The following NLGN1 variants were observed in gnomAD, a reference collection of about 807,000 sequenced individuals.
NLGN1 encodes the protein neuroligin-1.
In NLGN1, 12 loss-of-function variants were observed where a neutral mutation model predicts 65.5. The observed-to-expected ratio is 0.18, with a 90% CI of 0.12 to 0.30. NLGN1 has a LOEUF of 0.30. Ranked by LOEUF, NLGN1 falls within the 10% of genes least tolerant of loss-of-function variation. The pLI, the probability that NLGN1 is intolerant of heterozygous loss-of-function variation, is 1.00. For missense variants in NLGN1, 750 were observed against 1,007.1 expected, an observed-to-expected ratio of 0.74 and a Z score of 3.46; for synonymous variants, 350 against 359.5, an observed-to-expected ratio of 0.97 and a Z score of 0.30.
At chr3:173,516,594 A>G (rs1733854808) in intron 2 of NLGN1, among the ~76,000 whole-genome samples, 2 of 152,048 alleles carry the variant, frequency 1.3e-5, no homozygotes. Flanking sequence ...TATTGTAAGC[A>G]TTGCTATATC....
intron 4 of NLGN1, among the ~76,000 whole-genome samples, chr3:173,882,201 T>C (rs2150933134): frequency 6.6e-6 from 1 of 152,338 alleles, no homozygotes; most frequent in African/African-American, 2.4e-5. Context: ...TAAACAGATA[T>C]TCTATCATCC....
intron 2 of NLGN1, among the ~76,000 whole-genome samples, chr3:173,474,547 C>T (rs1008030625): frequency 1.1e-4 from 17 of 152,066 alleles, no homozygotes; most frequent in African/African-American, 4.1e-4. Flanking sequence ...GAATCACTTG[C>T]CTAATATGAG....
At chr3:173,413,394 G>A (rs1713009758) in intron 1 of NLGN1, among the ~76,000 whole-genome samples, 1 of 152,032 alleles carries the variant, frequency 6.6e-6, no homozygotes, top group African/African-American at 2.4e-5. Context: ...AAGGTCAGGA[G>A]TTCAAGACCA....
chr3:173,868,387 T>A (rs1405724685), intron 4 of NLGN1, among the ~76,000 whole-genome samples: 1 of 152,186 alleles, frequency 6.6e-6, no homozygotes, highest in Non-Finnish European at 1.5e-5. Flanking sequence ...TATTGTGGTT[T>A]AGCCACCCAG....
chr3:173,438,312 C>T (rs914790660), intron 2 of NLGN1, among the ~76,000 whole-genome samples: 3 of 151,788 alleles, frequency 2.0e-5, no homozygotes, highest in Non-Finnish European at 4.4e-5. Context: ...AACCCAATTT[C>T]CTGGTTAAGA....
At chr3:173,590,534 G>A (rs1748303601) in intron 2 of NLGN1, among the ~76,000 whole-genome samples, 1 of 152,102 alleles carries the variant, frequency 6.6e-6, no homozygotes, top group Admixed American at 6.6e-5. Flanking sequence ...GGAGCTGAGT[G>A]TATTTCTCTT....
chr3:174,013,618 G>A (rs1181600532), intron 4 of NLGN1, among the ~76,000 whole-genome samples: 2 of 152,162 alleles, frequency 1.3e-5, no homozygotes, highest in Non-Finnish European at 2.9e-5. Flanking sequence ...CGTATGTGAT[G>A]CCTCACATAC....
chr3:173,558,799 C>T lies in NLGN1; in HGVS notation c.-320-45480C>T, dbSNP rs138965724. On this transcript the variant is annotated intron_variant, in intron 2 of 6. Coordinates refer to ENST00000457714, the Ensembl canonical transcript of NLGN1. ...TGCACTTTTAACTTGGATATGGTCA[C>T]ATTTTCTTGCTTCTTCATATATCTC... Among the ~76,000 whole-genome samples the T allele has an allele frequency of 1.4e-4, 21 of 152,278 alleles. 1 individual carries two copies. The highest frequency in any genetic ancestry group is 6.5e-4 in the Admixed American group (10 of 15,294).
exon 3 of NLGN1, chr3:173,604,640 A>G (rs1751074068): frequency 6.2e-7 from 1 of 1,613,482 alleles, no homozygotes; most frequent in African/African-American, 1.3e-5. Context: ...ATGTTTGGAG[A>G]GCAGTGATGG....
rs1386438930 is a variant in NLGN1 at position 174,280,748 on chromosome 3, G to A, written c.1917G>A (p.Thr639=). The A allele has an allele frequency of 3.7e-6, 6 of 1,613,200 alleles. No individual in the cohort carries two copies. The Admixed American group carries it at 5.0e-5, about 13-fold the overall frequency. ...CAACTGACATCACTTTCAGACCTACGAGAAAAAATTCTGTACCTGTCACGT... is the reference window on the plus strand; with the variant it reads ...CAACTGACATCACTTTCAGACCTACAAGAAAAAATTCTGTACCTGTCACGT... The change falls in exon 7 of 7, where the codon ACG becomes ACA. Residue 639 remains threonine (T), a synonymous_variant. Transcript: ENST00000457714. This position sits in a 1 kb window ranked among gnomAD's most constrained non-coding sequence, Gnocchi z 4.9.
At chr3:173,880,325 G>T (rs1732969534) in intron 4 of NLGN1, among the ~76,000 whole-genome samples, 1 of 151,826 alleles carries the variant, frequency 6.6e-6, no homozygotes, top group Non-Finnish European at 1.5e-5. Flanking sequence ...GATGAAGGTA[G>T]ATGTTTTCTA....
chr3:174,180,171 T>C (rs1267636698), intron 4 of NLGN1, among the ~76,000 whole-genome samples: 2 of 152,064 alleles, frequency 1.3e-5, no homozygotes, highest in African/African-American at 4.8e-5. Flanking sequence ...TTAAACACAA[T>C]ACAAAAGTGA....
chr3:173,763,938 A>G (rs1778379965), intron 3 of NLGN1, among the ~76,000 whole-genome samples: 1 of 152,202 alleles, frequency 6.6e-6, no homozygotes, highest in South Asian at 2.1e-4. Flanking sequence ...AGATCATTTT[A>G]TATTCAAACA....
intron 2 of NLGN1, among the ~76,000 whole-genome samples, chr3:173,493,833 A>G (rs1330673776): frequency 6.6e-6 from 1 of 150,636 alleles, no homozygotes; most frequent in Non-Finnish European, 1.5e-5. Context: ...AATTGAATAT[A>G]TATATATAGA....
At chr3:173,636,344 A>G (rs1220370632) in intron 3 of NLGN1, among the ~76,000 whole-genome samples, 1 of 152,158 alleles carries the variant, frequency 6.6e-6, no homozygotes, top group African/African-American at 2.4e-5. Context: ...TCACTGTATA[A>G]CTAATTAAGC....
chr3:174,270,311 T>C (rs566867927), intron 4 of NLGN1, among the ~76,000 whole-genome samples: 7 of 151,820 alleles, frequency 4.6e-5, no homozygotes, highest in Admixed American at 4.6e-4. Flanking sequence ...CATTTTGAGT[T>C]AATTTTTATA....
chr3:174,062,398 A>G (rs1463525435), intron 4 of NLGN1, among the ~76,000 whole-genome samples: 1 of 152,096 alleles, frequency 6.6e-6, no homozygotes, highest in Non-Finnish European at 1.5e-5. Context: ...TTCTTCATCA[A>G]TACCACATGT....
chr3:173,636,866 A>G (rs573483097), intron 3 of NLGN1, among the ~76,000 whole-genome samples: 1 of 152,292 alleles, frequency 6.6e-6, no homozygotes, highest in East Asian at 1.9e-4. Flanking sequence ...ATAAAGAATT[A>G]GAATGAAAAT....
intron 3 of NLGN1, among the ~76,000 whole-genome samples, chr3:173,669,601 A>G (rs994232787): frequency 2.0e-5 from 3 of 152,148 alleles, no homozygotes; most frequent in African/African-American, 7.2e-5. Flanking sequence ...AACTAGTTAC[A>G]CCCACAGCAA....
Sources: allele counts gnomAD v4.1 joint callset (sites outside exome capture counted in the v4.1 genomes callset), GRCh38; gene constraint gnomAD v4.1.1; non-coding constraint Gnocchi (gnomAD v3.1); transcripts MANE v1.5; gene names NCBI Gene and HGNC (gene_info 2026-07-23, HGNC 2026-07-21).